The following WAC variants were observed in gnomAD, a reference collection of about 807,000 sequenced individuals.
WAC encodes the protein WW domain-containing adapter protein with coiled-coil.
In WAC, 11 loss-of-function variants were observed where a neutral mutation model predicts 79.6. The ratio of observed to expected loss-of-function variants is 0.14; its 90% CI spans 0.09 to 0.23. The LOEUF (loss-of-function observed/expected upper bound fraction) is 0.23. WAC is among the 10% of genes least tolerant of loss of function. The pLI, the probability that WAC is intolerant of heterozygous loss-of-function variation, is 1.00. For missense variants in WAC, 728 were observed against 773.5 expected (o/e 0.94, Z 0.70); for synonymous variants, 304 against 276.9 (o/e 1.10, Z -0.97).
chr10:28,616,066 A>C, intron 11 of WAC, 107 bp from the exon 12 acceptor site: 1 of 891,990 alleles, frequency 1.1e-6, no homozygotes, highest in Non-Finnish European at 1.6e-6. Context: ...TTTTCTTAGG[A>C]ATTTGGATAT....
At chr10:28,543,340 T>C (rs923312565) in intron 3 of WAC, among the ~76,000 whole-genome samples, 1 of 152,244 alleles carries the variant, frequency 6.6e-6, no homozygotes, top group African/African-American at 2.4e-5. Flanking sequence ...TGACCTAATA[T>C]ATCAAAAATA....
chr10:28,591,186 A>T (rs562323398), intron 6 of WAC: 1 of 220,698 alleles, frequency 4.5e-6, no homozygotes, highest in African/African-American at 2.4e-5. Flanking sequence ...ACTGGACACA[A>T]ATCTCACCGG....
chr10:28,571,083 G>A (rs182748522), intron 3 of WAC, among the ~76,000 whole-genome samples: 17 of 147,368 alleles, frequency 1.2e-4, no homozygotes, highest in African/African-American at 3.5e-4. Flanking sequence ...TGGCCTCTTC[G>A]AGTAGCTGGG....
intron 12 of WAC, 96 bp downstream of exon 12, chr10:28,616,458 C>A: frequency 2.0e-6 from 2 of 1,006,490 alleles, no homozygotes; most frequent in South Asian, 2.6e-5. Context: ...TGAATTCAAG[C>A]AATATTTAAA....
chr10:28,534,951 A>G (rs1346741530), intron 2 of WAC, among the ~76,000 whole-genome samples: 3 of 152,234 alleles, frequency 2.0e-5, no homozygotes, highest in Non-Finnish European at 2.9e-5. Context: ...GAATAAAGCT[A>G]AACGATTATT....
intron 3 of WAC, among the ~76,000 whole-genome samples, chr10:28,576,300 TTAAGA>T (rs1205807699): frequency 1.3e-5 from 2 of 152,136 alleles, no homozygotes; most frequent in East Asian, 1.9e-4. Context: ...ATATATATAT[TTAAGA>T]TAAGATACGG....
In WAC at chr10:28,581,238, C is replaced by CTTT. The variant is rs71391053; in HGVS notation, c.275-2131_275-2129dup. Reference sequence around the variant, plus strand: ...AACAGCTTAGGTACAATGAGCGATTCTTTTTTTTTTTTTTTTTTTTTTTTT... The same window carrying CTTT: ...AACAGCTTAGGTACAATGAGCGATTCTTTTTTTTTTTTTTTTTTTTTTTTTTTT... On this transcript the variant is annotated intron_variant, in intron 3 of 13. Transcript: ENST00000354911. Among the ~76,000 whole-genome samples the CTTT allele has an allele frequency of 8.7e-3, 575 of 66,100 alleles. 35 individuals carry two copies. The highest frequency in any genetic ancestry group is 0.012 in the Middle Eastern group (1 of 84). The allele number at this position is 66,100 out of a possible 152,430, so 43.4% of individuals were successfully genotyped here.
intron 3 of WAC, among the ~76,000 whole-genome samples, chr10:28,552,845 C>CT (rs3029447): frequency 0.023 from 1,981 of 84,350 alleles, 119 homozygotes; most frequent in African/African-American, 0.064. Flanking sequence ...CACTTGGCTG[C>CT]TTTTTTTTTT....
chr10:28,617,601 T>C, intron 12 of WAC, 56 bp from the exon 13 acceptor site: 2 of 1,439,514 alleles, frequency 1.4e-6, no homozygotes, highest in Non-Finnish European at 1.8e-6. Flanking sequence ...TTTAATGTTT[T>C]ATTTTGTGTA....
intron 3 of WAC, among the ~76,000 whole-genome samples, chr10:28,579,932 T>G (rs1038971898): frequency 6.6e-6 from 1 of 152,174 alleles, no homozygotes; most frequent in African/African-American, 2.4e-5. Context: ...TGCCATGCTT[T>G]GTATAAAACC....
At chr10:28,570,851 A>G (rs1838911543) in intron 3 of WAC, among the ~76,000 whole-genome samples, 1 of 152,138 alleles carries the variant, frequency 6.6e-6, no homozygotes, top group African/African-American at 2.4e-5. Flanking sequence ...ATATAAGGAA[A>G]GAACTCTGTG....
chr10:28,562,447 A>G (rs1175734654), intron 3 of WAC, among the ~76,000 whole-genome samples: 1 of 152,138 alleles, frequency 6.6e-6, no homozygotes. Context: ...ATGATTGATC[A>G]TTTTACAACC....
In WAC at chr10:28,554,886, C is replaced by CT. The variant is rs1372856455; in HGVS notation, c.274+19129_274+19130insT. On this transcript the variant is annotated intron_variant, in intron 3 of 13. Coordinates refer to ENST00000354911, the MANE Select transcript of WAC (RefSeq NM_016628.5). ...ACTCTCTTTCCATCAGCTCCTTTTG[C>CT]CTAGTTAATTCCTTATTTTTCAGGC... Among the ~76,000 whole-genome samples, 6 of 152,236 alleles carry CT rather than the reference C, an allele frequency of 3.9e-5. No homozygotes were observed. The East Asian group carries it at 7.7e-4, about 20-fold the overall frequency.
At chr10:28,584,373 A>G (rs576603821) in intron 4 of WAC, among the ~76,000 whole-genome samples, 19 of 152,246 alleles carry the variant, frequency 1.2e-4, no homozygotes, top group Admixed American at 2.0e-4. Flanking sequence ...GAGAACTGCC[A>G]GAATTTTGAC....
At chr10:28,565,641 C>T (rs1193950484) in intron 3 of WAC, among the ~76,000 whole-genome samples, 1 of 152,128 alleles carries the variant, frequency 6.6e-6, no homozygotes, top group Non-Finnish European at 1.5e-5. Flanking sequence ...TATCTGTTGT[C>T]TTCTCATTAC....
rs762084447 is a variant in WAC, at chr10:28,583,484, C to T, written c.360C>T (p.Asn120=). ...SNSHSSNPSN[N]PSKTSDAPYD... ...CACATTCTTCTAATCCAAGCAATAA[C>T]CCAAGCAAAACTTCAGATGCAGTAA... is the stretch of plus-strand genomic sequence containing the variant. Residue 120 remains asparagine (N), a synonymous_variant, in exon 4 of 14, where the codon AAC becomes AAT. Coordinates refer to ENST00000354911, the MANE Select transcript of WAC (RefSeq NM_016628.5). The T allele has an allele frequency of 5.1e-6, 8 of 1,581,446 alleles. No individual in the cohort carries two copies. Among genetic ancestry groups the T allele is most frequent in the African/African-American group, 2.8e-5 (2 of 72,576 alleles).
rs760510008 is a variant in WAC at position 28,583,472 on chromosome 10, T to G, written c.348T>G (p.Asn116Lys). The change falls in exon 4 of 14, where the codon AAT becomes AAG. Residue 116 changes from asparagine (N) to lysine (K), a missense_variant. Asn to Lys is a moderately conservative substitution (Grantham distance 94). Transcript: ENST00000354911. ...ALHSSNSHSS[N>K]PSNNPSKTSD... ...ATAGTTCAAATTCACATTCTTCTAA[T>G]CCAAGCAATAACCCAAGCAAAACTT... The G allele has an allele frequency of 6.3e-7, 1 of 1,591,120 alleles. No homozygotes were observed. Among genetic ancestry groups the G allele is most frequent in the Non-Finnish European group, 8.5e-7 (1 of 1,171,144 alleles).
chr10:28,535,473 AATG>A (rs1589114964), intron 2 of WAC, 86 bp from the exon 3 acceptor site: 3 of 1,387,534 alleles, frequency 2.2e-6, no homozygotes, highest in East Asian at 2.4e-5. Context: ...CATAAAATTT[AATG>A]ATAATACACC....
intron 8 of WAC, among the ~76,000 whole-genome samples, chr10:28,609,183 G>GA (rs1160756715): frequency 1.3e-5 from 2 of 152,184 alleles, no homozygotes; most frequent in Non-Finnish European, 2.9e-5. Flanking sequence ...CCAAGATGGT[G>GA]AAACGCTATC....
Sources: gnomAD v4.1 joint callset for allele counts (sites outside exome capture counted in the v4.1 genomes callset) on GRCh38, gnomAD v4.1.1 for gene constraint, MANE v1.5 for transcripts, NCBI Gene and HGNC (gene_info 2026-07-23, HGNC 2026-07-21) for gene names.